The following CAMTA1 variants were observed in gnomAD, a reference collection of about 807,000 sequenced individuals.
CAMTA1 encodes the protein calmodulin-binding transcription activator 1.
A neutral mutation model predicts 170.9 loss-of-function variants in CAMTA1; 27 were observed. The observed-to-expected ratio is 0.16, with a 90% CI of 0.12 to 0.22. The LOEUF (loss-of-function observed/expected upper bound fraction) is 0.22, where lower values mean the gene tolerates loss of function less well. Among genes scored for constraint, CAMTA1 ranks in the 10% least tolerant of loss-of-function variants. CAMTA1 has a pLI of 1.00. For missense variants in CAMTA1, 1,619 were observed against 2,217.2 expected (o/e 0.73, Z 5.42); for synonymous variants, 833 against 891.5 (o/e 0.93, Z 1.17).
intron 21 of CAMTA1, 128 bp from the exon 22 acceptor site, chr1:7,755,510 C>G (rs1300750390): frequency 1.3e-6 from 1 of 769,966 alleles, no homozygotes; most frequent in Non-Finnish European, 2.3e-6. Flanking sequence ...CACCATCACT[C>G]TCCTTTTCTT....
At chr1:6,798,832 A>G (rs865912860) in intron 1 of CAMTA1, among the ~76,000 whole-genome samples, 2 of 151,572 alleles carry the variant, frequency 1.3e-5, no homozygotes, top group African/African-American at 4.8e-5. Flanking sequence ...TCCTGACCTC[A>G]TGATCCGTCC....
At chr1:6,949,281 A>ATCC in intron 3 of CAMTA1, among the ~76,000 whole-genome samples, 1 of 152,246 alleles carries the variant, frequency 6.6e-6, no homozygotes, top group Non-Finnish European at 1.5e-5. Context: ...CAGAGTTTCT[A>ATCC]GCAGATAGGG....
chr1:7,211,972 C>T (rs972275525), intron 4 of CAMTA1, among the ~76,000 whole-genome samples: 12 of 152,186 alleles, frequency 7.9e-5, no homozygotes, highest in African/African-American at 1.2e-4. Flanking sequence ...GTGGCACTTT[C>T]TTTTCCAACA....
chr1:6,887,584 A>C lies in CAMTA1; in HGVS notation c.234+62374A>C. The C allele has an allele frequency of 2.0e-6, 3 of 1,523,252 alleles. No individual in the cohort carries two copies. Among genetic ancestry groups the C allele is most frequent in the Non-Finnish European group, 2.6e-6 (3 of 1,140,472 alleles). 94.4% of individuals were successfully genotyped at this position (1,523,252 alleles called of 1,614,324 possible). A position where few individuals can be genotyped will look rare whatever the true frequency, so the allele number is the denominator to read the frequency against. On this transcript the variant is annotated intron_variant, in intron 3 of 22. Coordinates refer to ENST00000303635, the MANE Select transcript of CAMTA1 (RefSeq NM_015215.4). This position sits in a 1 kb window ranked among gnomAD's most constrained non-coding sequence, Gnocchi z 4.1. ...CTCTCTCTGCCTCTGGAAATGGGGC[A>C]AATTTTTCTTCAGTTAAAAACAGAA... is the stretch of plus-strand genomic sequence containing the variant.
rs1034661860 is a variant in CAMTA1, at chr1:7,129,087, C to G, written c.302+37716C>G. Among the ~76,000 whole-genome samples, 4 of 152,124 alleles carry G rather than the reference C, an allele frequency of 2.6e-5. 1 individual carries two copies. The highest frequency in any genetic ancestry group is 2.6e-4 in the Admixed American group (4 of 15,274). The stretch of plus-strand genomic sequence containing the variant: ...TCCTGACCTCAAGTGATCCACCCAC[C>G]TCGGCTTCCCAAAGTGCTGGGATTA... On this transcript the variant is annotated intron_variant, in intron 4 of 22. Transcript: ENST00000303635.
chr1:6,986,790 A>C (rs575447484), intron 3 of CAMTA1, among the ~76,000 whole-genome samples: 1 of 152,210 alleles, frequency 6.6e-6, no homozygotes, highest in African/African-American at 2.4e-5. Flanking sequence ...GAGTTAATGC[A>C]GGGAGCAAAC....
chr1:7,490,928 C>T (rs532213045), intron 6 of CAMTA1, among the ~76,000 whole-genome samples: 2 of 152,342 alleles, frequency 1.3e-5, no homozygotes, highest in East Asian at 3.9e-4. Context: ...CTTCTGGCTT[C>T]GGTAGCAAAG....
At chr1:6,925,270 G>A (rs1443289119) in intron 3 of CAMTA1, among the ~76,000 whole-genome samples, 1 of 152,214 alleles carries the variant, frequency 6.6e-6, no homozygotes, top group African/African-American at 2.4e-5. Context: ...ATTTCTTGAT[G>A]GGCCAAGAGC....
chr1:7,166,221 C>T (rs1007331845), intron 4 of CAMTA1, among the ~76,000 whole-genome samples: 11 of 152,130 alleles, frequency 7.2e-5, no homozygotes, highest in African/African-American at 2.7e-4. Context: ...TGCCCACCAC[C>T]ATGCCCAGCT....
chr1:6,949,765 CA>C (rs1451898655), intron 3 of CAMTA1, among the ~76,000 whole-genome samples: 1 of 152,254 alleles, frequency 6.6e-6, no homozygotes, highest in African/African-American at 2.4e-5. Flanking sequence ...CAAAAGATGA[CA>C]TTAACGTTGC....
intron 17 of CAMTA1, among the ~76,000 whole-genome samples, chr1:7,745,343 A>G (rs61772143): frequency 0.16 from 24,980 of 152,130 alleles, 2,453 homozygotes; most frequent in Non-Finnish European, 0.22. Flanking sequence ...CCTGGCCAAC[A>G]TGGTAAAACC....
chr1:7,695,109 C>T (rs915100132), intron 11 of CAMTA1, among the ~76,000 whole-genome samples: 6 of 152,222 alleles, frequency 3.9e-5, no homozygotes, highest in South Asian at 2.1e-4. Context: ...CAGGAGAAAC[C>T]GGTAGATAGC....
chr1:7,553,481 G>A (rs1410739815), intron 6 of CAMTA1, among the ~76,000 whole-genome samples: 1 of 152,210 alleles, frequency 6.6e-6, no homozygotes, highest in South Asian at 2.1e-4. Flanking sequence ...TCCCCTGGAG[G>A]GAGCTCACAG....
chr1:7,433,415 T>C (rs1379313612), intron 5 of CAMTA1, among the ~76,000 whole-genome samples: 1 of 152,166 alleles, frequency 6.6e-6, no homozygotes, highest in Non-Finnish European at 1.5e-5. Flanking sequence ...CCTGTGTGAT[T>C]CCCACTCCTG....
intron 6 of CAMTA1, among the ~76,000 whole-genome samples, chr1:7,636,498 C>T (rs1031263247): frequency 6.6e-6 from 1 of 152,162 alleles, no homozygotes; most frequent in Non-Finnish European, 1.5e-5. Flanking sequence ...GGGTGGATCA[C>T]CTGAGGTCAG....
Position 7,242,839 on chromosome 1 carries a change from A to G in CAMTA1, c.303-6652A>G, listed in dbSNP as rs188059046. On this transcript the variant is annotated intron_variant, in intron 4 of 22. Coordinates refer to ENST00000303635, the MANE Select transcript of CAMTA1 (RefSeq NM_015215.4). ...TAGCCGGGCATGGTGGCGGGCGCCT[A>G]TAGTCCCAGCTACTTGGGAGGCTGA... Among the ~76,000 whole-genome samples the G allele has an allele frequency of 9.0e-4, 137 of 152,000 alleles. 1 individual carries two copies. The highest frequency in any genetic ancestry group is 3.0e-3 in the African/African-American group (124 of 41,484).
intron 3 of CAMTA1, among the ~76,000 whole-genome samples, chr1:7,086,930 G>T (rs537015004): frequency 1.4e-4 from 22 of 152,258 alleles, no homozygotes; most frequent in African/African-American, 5.1e-4. Flanking sequence ...CCATGCTTTT[G>T]CCCCAGCCTC....
chr1:7,652,615 T>G (rs892636754), intron 7 of CAMTA1, among the ~76,000 whole-genome samples: 1 of 152,116 alleles, frequency 6.6e-6, no homozygotes, highest in Non-Finnish European at 1.5e-5. Context: ...CAGCATGTGG[T>G]CCAGCACCAG....
chr1:7,276,291 ATATATATATATATTTTT>A (rs1418854692), intron 5 of CAMTA1, among the ~76,000 whole-genome samples: 19 of 51,312 alleles, frequency 3.7e-4, no homozygotes, highest in East Asian at 2.1e-3. Flanking sequence ...ATATATATAT[ATATATATATATATTTTT>A]TTTTTTTTTT....
Sources: allele counts gnomAD v4.1 joint callset (sites outside exome capture counted in the v4.1 genomes callset), GRCh38; gene constraint gnomAD v4.1.1; non-coding constraint Gnocchi (gnomAD v3.1); transcripts MANE v1.5; gene names NCBI Gene and HGNC (gene_info 2026-07-23, HGNC 2026-07-21).